Variants in KCNB2 observed in about 807,000 individuals in gnomAD.
KCNB2 encodes delayed rectifier potassium channel protein.
In KCNB2, 15 loss-of-function variants were observed where a neutral mutation model predicts 61.5. The ratio of observed to expected loss-of-function variants is 0.24; its 90% confidence interval spans 0.16 to 0.38. The LOEUF is 0.38. KCNB2 is among the 10% of genes least tolerant of loss of function. The pLI is 1.00. For synonymous variants in KCNB2, 457 were observed against 446.0 expected (o/e 1.02, Z -0.31); for missense variants, 828 against 1,125.2 (o/e 0.74, Z 3.78).
intron 2 of KCNB2, among the ~76,000 whole-genome samples, chr8:72,746,831 G>A (rs1808080098): frequency 6.6e-6 from 1 of 152,170 alleles, no homozygotes; most frequent in Non-Finnish European, 1.5e-5. Context: ...CAAGCAGTGA[G>A]TAGACCAACC....
chr8:72,826,932 C>G (rs1005649656), intron 2 of KCNB2, among the ~76,000 whole-genome samples: 1 of 152,154 alleles, frequency 6.6e-6, no homozygotes, highest in African/African-American at 2.4e-5. Context: ...ATTGCTTTTG[C>G]TTCTAAGTTT....
At chr8:72,869,555 G>GT (rs1585943988) in intron 2 of KCNB2, among the ~76,000 whole-genome samples, 1 of 150,022 alleles carries the variant, frequency 6.7e-6, no homozygotes, top group Admixed American at 6.6e-5. Context: ...TAAACAGACA[G>GT]TTCTCCAAAG....
At chr8:72,681,914 G>C (rs1231363060) in intron 2 of KCNB2, among the ~76,000 whole-genome samples, 1 of 152,170 alleles carries the variant, frequency 6.6e-6, no homozygotes, top group African/African-American at 2.4e-5. Context: ...ACTATGTAGT[G>C]ATTTAACATC....
chr8:72,798,252 G>A (rs1466979208), intron 2 of KCNB2, among the ~76,000 whole-genome samples: 2 of 152,142 alleles, frequency 1.3e-5, no homozygotes, highest in Non-Finnish European at 2.9e-5. Flanking sequence ...TTTAAGACTA[G>A]CCTACAAAGA....
chr8:72,747,508 G>T (rs150032578), intron 2 of KCNB2, among the ~76,000 whole-genome samples: 4 of 152,138 alleles, frequency 2.6e-5, no homozygotes, highest in Non-Finnish European at 5.9e-5. Context: ...GGTCAGCAAG[G>T]TCTCAAATCT....
intron 2 of KCNB2, among the ~76,000 whole-genome samples, chr8:72,753,692 C>G (rs537252775): frequency 6.6e-6 from 1 of 152,266 alleles, no homozygotes; most frequent in South Asian, 2.1e-4. Context: ...AATAAGTGTT[C>G]AGGACTAGAA....
At chr8:72,626,949 A>G (rs1275273545) in intron 2 of KCNB2, among the ~76,000 whole-genome samples, 1 of 152,216 alleles carries the variant, frequency 6.6e-6, no homozygotes, top group Non-Finnish European at 1.5e-5. Context: ...ATCACTTTTT[A>G]CATAACCAGG....
chr8:72,848,227 G>A (rs1416169589), intron 2 of KCNB2, among the ~76,000 whole-genome samples: 1 of 152,164 alleles, frequency 6.6e-6, no homozygotes, highest in East Asian at 1.9e-4. Flanking sequence ...TTAACTACAA[G>A]ATTTATCTGT....
intron 2 of KCNB2, chr8:72,661,306 C>CCCAACTCAGTGG (rs1806376839): frequency 6.6e-6 from 1 of 152,180 alleles, no homozygotes; most frequent in Admixed American, 6.5e-5. Flanking sequence ...TGAGCCACTG[C>CCCAACTCAGTGG]GCCTTACCTC....
intron 2 of KCNB2, among the ~76,000 whole-genome samples, chr8:72,871,869 A>G (rs1805624084): frequency 1.3e-5 from 2 of 152,254 alleles, no homozygotes; most frequent in African/African-American, 2.4e-5. Flanking sequence ...ATCCAGTAGA[A>G]TAGTTTCAAC....
At chr8:72,705,558 T>A (rs537283763) in intron 2 of KCNB2, among the ~76,000 whole-genome samples, 3 of 152,238 alleles carry the variant, frequency 2.0e-5, no homozygotes, top group Non-Finnish European at 4.4e-5. Flanking sequence ...GTTGTGCAAG[T>A]GTCTGTAAAG....
At chr8:72,701,932 A>G (rs1807135878) in intron 2 of KCNB2, among the ~76,000 whole-genome samples, 1 of 152,238 alleles carries the variant, frequency 6.6e-6, no homozygotes, top group Middle Eastern at 3.2e-3. Context: ...AACATCATGT[A>G]TGTTATCCAA....
intron 2 of KCNB2, among the ~76,000 whole-genome samples, chr8:72,740,161 A>T (rs766862176): frequency 2.6e-5 from 4 of 152,200 alleles, no homozygotes; most frequent in Non-Finnish European, 5.9e-5. Flanking sequence ...CTAATATTCA[A>T]TGGTAGTTAA....
chr8:72,573,589 A>G (rs1049089552), intron 2 of KCNB2, among the ~76,000 whole-genome samples: 2 of 96,276 alleles, frequency 2.1e-5, no homozygotes, highest in Non-Finnish European at 4.5e-5. Flanking sequence ...GTGCAGTGCT[A>G]TCCTCTACAT....
intron 2 of KCNB2, among the ~76,000 whole-genome samples, chr8:72,851,837 A>AC (rs1810119063): frequency 6.9e-6 from 1 of 145,198 alleles, no homozygotes; most frequent in African/African-American, 2.6e-5. Context: ...AAAAAAAAAA[A>AC]AAAAAAAAAA....
chr8:72,669,668 A>G (rs1048445664), intron 2 of KCNB2, among the ~76,000 whole-genome samples: 1 of 152,216 alleles, frequency 6.6e-6, no homozygotes, highest in Non-Finnish European at 1.5e-5. Context: ...GAGAGACTGT[A>G]GTACTTTTAA....
intron 1 of KCNB2, among the ~76,000 whole-genome samples, chr8:72,538,438 C>G (rs992344550): frequency 6.6e-6 from 1 of 152,144 alleles, no homozygotes; most frequent in African/African-American, 2.4e-5. Context: ...AGACATCGAC[C>G]ATTTGCCTCA....
chr8:72,591,203 C>A (rs1200437438), intron 2 of KCNB2, among the ~76,000 whole-genome samples: 2 of 152,088 alleles, frequency 1.3e-5, no homozygotes, highest in Non-Finnish European at 2.9e-5. Flanking sequence ...TTCAGTTGAT[C>A]TAGTTTCTTA....
chr8:72,589,106 G>C (rs930198229), intron 2 of KCNB2, among the ~76,000 whole-genome samples: 1 of 152,050 alleles, frequency 6.6e-6, no homozygotes, highest in Non-Finnish European at 1.5e-5. Flanking sequence ...GAAAGGACAG[G>C]GAGCTCAGCT....
Sources: allele counts gnomAD v4.1 joint callset (sites outside exome capture counted in the v4.1 genomes callset), GRCh38; gene constraint gnomAD v4.1.1; transcripts MANE v1.5; gene names NCBI Gene and HGNC (gene_info 2026-07-23, HGNC 2026-07-21).